ATP10B: variants seen among roughly 807,000 people sequenced by gnomAD.
ATP10B encodes ATPase phospholipid transporting 10B (putative).
ATP10B carries 122 observed loss-of-function variants against 141.2 expected under a neutral mutation model. The observed-to-expected ratio is 0.86, with a 90% CI of 0.75 to 1.00. The LOEUF is 1.00. Among genes scored for constraint, ATP10B ranks in the 50% least tolerant of loss-of-function variants. The probability of loss-of-function intolerance (pLI) is 0.00; values close to 1 mark genes in which losing one functional copy is unlikely to be tolerated. For synonymous variants in ATP10B, 685 were observed against 692.0 expected (o/e 0.99, Z 0.16); for missense variants, 1,876 against 1,825.3 (o/e 1.03, Z -0.51).
At chr5:160,763,059 T>TATA (rs111549007) in intron 2 of ATP10B, among the ~76,000 whole-genome samples, 35,450 of 151,864 alleles carry the variant, frequency 0.23, 4,504 homozygotes, top group Non-Finnish European at 0.28. Context: ...CACCCAAATT[T>TATA]GTAAAACAAC....
intron 16 of ATP10B, among the ~76,000 whole-genome samples, chr5:160,617,581 C>G (rs1045901759): frequency 2.0e-5 from 3 of 152,080 alleles, no homozygotes; most frequent in African/African-American, 2.4e-5. Flanking sequence ...AATTGGAAAA[C>G]AAAATTATAA....
At chr5:160,928,387 C>T in the ATP10B span, among the ~76,000 whole-genome samples, 1 of 152,110 alleles carries the variant, frequency 6.6e-6, no homozygotes, top group Admixed American at 6.6e-5. Context: ...GGGATTGGGG[C>T]CGTCACCTCT....
intron 22 of ATP10B, among the ~76,000 whole-genome samples, chr5:160,591,743 G>C (rs1581164986): frequency 1.3e-5 from 2 of 152,226 alleles, no homozygotes; most frequent in South Asian, 4.2e-4. Flanking sequence ...TTTGGGTCTT[G>C]CTTAACTTTT....
chr5:160,856,953 G>A (rs763892293), upstream of ATP10B, among the ~76,000 whole-genome samples: 1 of 151,660 alleles, frequency 6.6e-6, no homozygotes, highest in East Asian at 1.9e-4. Flanking sequence ...TTTAATTGAT[G>A]AATTTTGTTT....
At chr5:160,730,933 G>C (rs1766693215) in intron 2 of ATP10B, among the ~76,000 whole-genome samples, 1 of 152,176 alleles carries the variant, frequency 6.6e-6, no homozygotes, top group Admixed American at 6.5e-5. Flanking sequence ...GAGGCCGCTG[G>C]AGTTGTCCTG....
chr5:160,575,119 G>C (rs6886530), intron 24 of ATP10B, among the ~76,000 whole-genome samples: 12,707 of 152,082 alleles, frequency 0.084, 1,223 homozygotes, highest in African/African-American at 0.24. Context: ...TTGGGGATAG[G>C]ATTTGGCTTA....
At chr5:160,825,010 A>T (rs1306204090) in intron 1 of ATP10B, among the ~76,000 whole-genome samples, 1 of 152,070 alleles carries the variant, frequency 6.6e-6, no homozygotes, top group Non-Finnish European at 1.5e-5. Flanking sequence ...TATGCTTTGC[A>T]TTAAAGTTAA....
chr5:160,890,492 C>T, the ATP10B span, among the ~76,000 whole-genome samples: 7 of 151,984 alleles, frequency 4.6e-5, no homozygotes, highest in Middle Eastern at 3.2e-3. Context: ...CTTTCTGTCT[C>T]TTTGGATTTG....
At chr5:160,693,642 A>G (rs1018567350) in intron 3 of ATP10B, among the ~76,000 whole-genome samples, 4 of 152,210 alleles carry the variant, frequency 2.6e-5, no homozygotes, top group Admixed American at 2.0e-4. Context: ...TTTTGGCACC[A>G]GGGACTGGTT....
At position 160,719,292 on chromosome 5, in the gene ATP10B, C is replaced by T. The variant is rs577974949; in HGVS notation, c.-330-2258G>A. On this transcript the variant is annotated intron_variant, in intron 2 of 25. Coordinates refer to ENST00000327245, the MANE Select transcript of ATP10B (RefSeq NM_025153.3). ...GTGGGCGCCTGTAGTCCCAGCTACT[C>T]GGGAGGCTGAGGCAGGAGAATGGTG... 2.2e-4 allele frequency among the ~76,000 whole-genome samples: 34 copies of T among 152,204 alleles called. 1 individual carries two copies. In the East Asian group the frequency reaches 6.2e-3, roughly 28 times the overall value.
At chr5:160,769,039 C>T (rs1233113268) in intron 2 of ATP10B, among the ~76,000 whole-genome samples, 1 of 152,174 alleles carries the variant, frequency 6.6e-6, no homozygotes, top group Non-Finnish European at 1.5e-5. Flanking sequence ...CTGACCATCT[C>T]CTGTTACATC....
intron 3 of ATP10B, among the ~76,000 whole-genome samples, chr5:160,701,265 C>T (rs1764653156): frequency 6.6e-6 from 1 of 152,170 alleles, no homozygotes. Context: ...ACATAATTTA[C>T]AACTCCTTCC....
intron 18 of ATP10B, among the ~76,000 whole-genome samples, chr5:160,610,288 A>C (rs1412436187): frequency 6.6e-6 from 1 of 152,208 alleles, no homozygotes; most frequent in Non-Finnish European, 1.5e-5. Context: ...GTTGTATAGC[A>C]GTCCTGTGGA....
At position 160,652,928 on chromosome 5, in the gene ATP10B, TA is replaced by T. The variant is rs1561702074; in HGVS notation, c.676-3673del. 4.9e-4 allele frequency among the ~76,000 whole-genome samples: 40 copies of T among 81,190 alleles called. 1 individual carries two copies. Among genetic ancestry groups the T allele is most frequent in the South Asian group, 1.4e-3 (4 of 2,878 alleles). The allele number at this position is 81,190 out of a possible 152,430, so 53.3% of individuals were successfully genotyped here. A position where few individuals can be genotyped will look rare whatever the true frequency, so the allele number is the denominator to read the frequency against. ...ATATATACATGTATATATAATATAT[TA>T]TATATACATGTATATATAATATATT... On this transcript the variant is annotated intron_variant, in intron 7 of 25. Transcript: ENST00000327245.
intron 2 of ATP10B, among the ~76,000 whole-genome samples, chr5:160,774,834 C>A (rs895036212): frequency 6.6e-6 from 1 of 152,184 alleles, no homozygotes; most frequent in Non-Finnish European, 1.5e-5. Flanking sequence ...GGGGGCCTCT[C>A]TTTTCTGCCT....
the ATP10B span, among the ~76,000 whole-genome samples, chr5:160,884,662 CA>C: frequency 1.3e-5 from 2 of 151,844 alleles, no homozygotes; most frequent in Non-Finnish European, 2.9e-5. Context: ...ATTACTTTTT[CA>C]TTATGGCAAT....
chr5:160,653,154 T>C lies in ATP10B; in HGVS notation c.676-3898A>G, dbSNP rs867158916. Reference sequence around the variant, plus strand: ...TGTATACATAAATATATATTATAAATACATAATATATATTATATATACAAT... The same window carrying C: ...TGTATACATAAATATATATTATAAACACATAATATATATTATATATACAAT... On this transcript the variant is annotated intron_variant, in intron 7 of 25. Transcript: ENST00000327245. 9.1e-3 allele frequency among the ~76,000 whole-genome samples: 1,196 copies of C among 132,144 alleles called. 18 individuals are homozygous for C. Among genetic ancestry groups the C allele is most frequent in the African/African-American group, 0.032 (1,127 of 35,226 alleles). The allele number at this position is 132,144 out of a possible 152,430, so 86.7% of individuals were successfully genotyped here.
chr5:160,673,903 G>A lies in ATP10B; in HGVS notation c.471-3236C>T, dbSNP rs115271662. 1.2e-3 allele frequency among the ~76,000 whole-genome samples: 186 copies of A among 152,248 alleles called. 1 individual carries two copies. The highest frequency in any genetic ancestry group is 4.2e-3 in the African/African-American group (176 of 41,550). ...ATCTCATAGAGTGAAGGAGAGACTG[G>A]TTTTCTTTTTTCTTTTTGAGAGAGT... On this transcript the variant is annotated intron_variant, in intron 6 of 25. Transcript: ENST00000327245.
chr5:160,662,909 C>T lies in ATP10B; in HGVS notation c.675+7554G>A, dbSNP rs560738859. Among the ~76,000 whole-genome samples the T allele has an allele frequency of 1.8e-4, 28 of 152,310 alleles. No individual in the cohort carries two copies. In the South Asian group the frequency reaches 5.8e-3, roughly 32 times the overall value. ...TGCAATCTACCCATCTGACAAAGGG[C>T]TAGTATCCAGAATCTACAATGAACT... On this transcript the variant is annotated intron_variant, in intron 7 of 25. Coordinates refer to ENST00000327245, the MANE Select transcript of ATP10B (RefSeq NM_025153.3).
Sources: allele counts gnomAD v4.1 joint callset (sites outside exome capture counted in the v4.1 genomes callset), GRCh38; gene constraint gnomAD v4.1.1; transcripts MANE v1.5; gene names NCBI Gene and HGNC (gene_info 2026-07-23, HGNC 2026-07-21).